Variants in PCOLCE2 observed in about 807,000 individuals in gnomAD.
PCOLCE2 encodes procollagen C-proteinase enhancer 2.
Under a neutral mutation model 47.0 loss-of-function variants are expected in PCOLCE2, and 42 were observed. The observed-to-expected ratio is 0.89, with a 90% CI of 0.70 to 1.16. The LOEUF (loss-of-function observed/expected upper bound fraction) is 1.16, where lower values mean the gene tolerates loss of function less well. Ranked by LOEUF, PCOLCE2 falls within the 50% of genes most tolerant of loss-of-function variation. The pLI is 0.00. For missense variants in PCOLCE2, 500 were observed against 526.1 expected (o/e 0.95, Z 0.49); for synonymous variants, 169 against 191.7 (o/e 0.88, Z 0.98).
At chr3:142,845,865 CTT>C (rs1560134367) in intron 3 of PCOLCE2, among the ~76,000 whole-genome samples, 325 of 152,186 alleles carry the variant, frequency 2.1e-3, no homozygotes, top group African/African-American at 6.4e-3. Flanking sequence ...ATCCCAGCTG[CTT>C]GAGAGGTTGA....
intron 2 of PCOLCE2, among the ~76,000 whole-genome samples, chr3:142,868,680 C>A (rs780251537): frequency 5.3e-5 from 8 of 152,096 alleles, no homozygotes; most frequent in Non-Finnish European, 7.4e-5. Context: ...TTTAAATTAG[C>A]AGATCAGAAT....
intron 2 of PCOLCE2, among the ~76,000 whole-genome samples, chr3:142,871,882 A>G (rs1036402251): frequency 3.9e-5 from 6 of 152,180 alleles, no homozygotes; most frequent in Non-Finnish European, 8.8e-5. Context: ...AAACATTTAT[A>G]TATCTACATC....
chr3:142,870,324 T>A (rs1933364499), intron 2 of PCOLCE2, among the ~76,000 whole-genome samples: 2 of 152,182 alleles, frequency 1.3e-5, no homozygotes, highest in South Asian at 4.1e-4. Context: ...ATCTAAAAAG[T>A]GGACTGTTTA....
intron 2 of PCOLCE2, among the ~76,000 whole-genome samples, chr3:142,872,698 A>T (rs1031193566): frequency 6.6e-6 from 1 of 152,186 alleles, no homozygotes; most frequent in East Asian, 1.9e-4. Flanking sequence ...AGGGAAAAAA[A>T]ATCTTGCCTC....
chr3:142,880,464 A>C (rs116530080), intron 2 of PCOLCE2, among the ~76,000 whole-genome samples: 2,149 of 152,272 alleles, frequency 0.014, 53 homozygotes, highest in African/African-American at 0.049. Context: ...TCCTGCCTAA[A>C]TTCACTATTT....
intron 2 of PCOLCE2, among the ~76,000 whole-genome samples, chr3:142,864,763 A>G (rs1933248316): frequency 6.6e-6 from 1 of 152,202 alleles, no homozygotes; most frequent in African/African-American, 2.4e-5. Context: ...ATCAAACAGT[A>G]TGTGGTCTAT....
chr3:142,849,069 CGTGAACCCG>C (rs1268436380), intron 2 of PCOLCE2, among the ~76,000 whole-genome samples: 1 of 151,794 alleles, frequency 6.6e-6, no homozygotes. Flanking sequence ...AGGAGAATGG[CGTGAACCCG>C]GGAGGCGGAG....
chr3:142,886,398 A>C (rs1385190449), intron 2 of PCOLCE2, among the ~76,000 whole-genome samples: 1 of 150,302 alleles, frequency 6.7e-6, no homozygotes, highest in Non-Finnish European at 1.5e-5. Context: ...CGACATGAAA[A>C]TCAAGCTGCT....
chr3:142,863,235 T>A (rs1024435680), intron 2 of PCOLCE2, among the ~76,000 whole-genome samples: 4 of 151,992 alleles, frequency 2.6e-5, no homozygotes, highest in Non-Finnish European at 5.9e-5. Flanking sequence ...ACAAAAAACA[T>A]TGAAGATAGC....
chr3:142,880,423 T>C (rs1933591182), intron 2 of PCOLCE2, among the ~76,000 whole-genome samples: 1 of 152,188 alleles, frequency 6.6e-6, no homozygotes, highest in African/African-American at 2.4e-5. Context: ...GCCATACCCT[T>C]AGGTATAATT....
chr3:142,873,816 G>T (rs1031608064), intron 2 of PCOLCE2, among the ~76,000 whole-genome samples: 9 of 152,178 alleles, frequency 5.9e-5, no homozygotes, highest in Non-Finnish European at 8.8e-5. Context: ...ACACACTCGG[G>T]GGGTGGAACG....
chr3:142,887,749 T>C lies in PCOLCE2; in HGVS notation c.112A>G (p.Thr38Ala). Residue 38 changes from threonine (T) to alanine (A), a missense_variant, in exon 2 of 9, where the codon ACT becomes GCT. Physicochemically the swap from Thr to Ala is moderately conservative, Grantham distance 58. Coordinates refer to ENST00000295992, the MANE Select transcript of PCOLCE2 (RefSeq NM_013363.4). ...CTGCCAATAAATCCAGACTCTCCAGTAAGAATGCCACCACATGTGAAAACA... is the reference window on the plus strand; with the variant it reads ...CTGCCAATAAATCCAGACTCTCCAGCAAGAATGCCACCACATGTGAAAACA... Reference protein sequence around the residue: ...RPVFTCGGILTGESGFIGSEG... With the variant: ...RPVFTCGGILAGESGFIGSEG... 28 of 1,605,074 alleles carry C rather than the reference T, an allele frequency of 1.7e-5. No individual in the cohort carries two copies. Among genetic ancestry groups the C allele is most frequent in the Non-Finnish European group, 2.4e-5 (28 of 1,171,916 alleles).
chr3:142,854,629 C>A (rs1365011899), intron 2 of PCOLCE2, among the ~76,000 whole-genome samples: 1 of 152,084 alleles, frequency 6.6e-6, no homozygotes, highest in African/African-American at 2.4e-5. Context: ...AAAAACTTTA[C>A]CCCTGGATGT....
At chr3:142,837,366 C>T (rs1389381195) in intron 5 of PCOLCE2, among the ~76,000 whole-genome samples, 1 of 152,044 alleles carries the variant, frequency 6.6e-6, no homozygotes, top group Admixed American at 6.6e-5. Context: ...TAGAAATAGG[C>T]CCTTCTCCAA....
intron 1 of PCOLCE2, 144 bp downstream of exon 1, chr3:142,888,670 G>T (rs1012222198): frequency 2.2e-6 from 1 of 464,424 alleles, no homozygotes; most frequent in South Asian, 5.7e-5. Context: ...CGAGGGTGGC[G>T]GACGCCTGCA....
intron 7 of PCOLCE2, among the ~76,000 whole-genome samples, chr3:142,823,292 A>G (rs575819337): frequency 6.6e-6 from 1 of 152,352 alleles, no homozygotes; most frequent in African/African-American, 2.4e-5. Flanking sequence ...ATGTGGCAGT[A>G]TCATGTACCA....
rs757635240 is a variant in PCOLCE2, at chr3:142,856,087, G to A, written c.193-7615C>T. 2.0e-5 allele frequency among the ~76,000 whole-genome samples: 3 copies of A among 152,136 alleles called. No homozygotes were observed. The South Asian group carries it at 6.2e-4, about 31-fold the overall frequency. On this transcript the variant is annotated intron_variant, in intron 2 of 8. Transcript: ENST00000295992. ...GCTCTCTAGGAATCAACAGTGTGAC[G>A]TGGCCACCAAGCAAGCCAACACAGG...
intron 4 of PCOLCE2, among the ~76,000 whole-genome samples, chr3:142,840,808 G>T (rs1190350106): frequency 6.6e-6 from 1 of 152,170 alleles, no homozygotes; most frequent in Non-Finnish European, 1.5e-5. Context: ...GGGCGTGGTG[G>T]CTCACGCCTG....
intron 2 of PCOLCE2, among the ~76,000 whole-genome samples, chr3:142,856,528 G>A (rs531219399): frequency 2.1e-4 from 32 of 152,278 alleles, no homozygotes; most frequent in Middle Eastern, 3.4e-3. Context: ...CAGGCCCTTC[G>A]GCATTGGGAG....
Sources: gnomAD v4.1 joint callset for allele counts (sites outside exome capture counted in the v4.1 genomes callset) on GRCh38, gnomAD v4.1.1 for gene constraint, MANE v1.5 for transcripts, NCBI Gene and HGNC (gene_info 2026-07-23, HGNC 2026-07-21) for gene names.